The following ULK4 variants were observed in gnomAD, a reference collection of about 807,000 sequenced individuals.
ULK4 encodes inactive serine/threonine-protein kinase ULK4.
Under a neutral mutation model 160.6 loss-of-function variants are expected in ULK4, and 133 were observed. The observed-to-expected ratio is 0.83, with a 90% CI of 0.72 to 0.96. ULK4 has a LOEUF of 0.96. ULK4 is among the 40% of genes least tolerant of loss of function. The pLI is 0.00. For missense variants in ULK4, 1,580 were observed against 1,499.5 expected (o/e 1.05, Z -0.89); for synonymous variants, 534 against 539.8 (o/e 0.99, Z 0.15).
intron 17 of ULK4, among the ~76,000 whole-genome samples, chr3:41,858,243 C>T (rs1007395285): frequency 2.0e-5 from 3 of 148,702 alleles, no homozygotes; most frequent in African/African-American, 7.5e-5. Context: ...CCTCCACCAC[C>T]CAGGTTCAAG....
chr3:41,559,716 T>G (rs938639060), intron 32 of ULK4, among the ~76,000 whole-genome samples: 14 of 152,144 alleles, frequency 9.2e-5, no homozygotes, highest in Non-Finnish European at 2.1e-4. Flanking sequence ...CAGTTTTTGA[T>G]GGAGTTGTTT....
chr3:41,875,822 G>C (rs1186422508), intron 17 of ULK4, among the ~76,000 whole-genome samples: 2 of 151,904 alleles, frequency 1.3e-5, no homozygotes, highest in East Asian at 1.9e-4. Context: ...CAAAGGAAAA[G>C]ATGTACCTTT....
chr3:41,931,423 A>G (rs1699594600), intron 5 of ULK4, among the ~76,000 whole-genome samples: 1 of 151,058 alleles, frequency 6.6e-6, no homozygotes, highest in African/African-American at 2.4e-5. Context: ...TGGCACATAT[A>G]TACCTATGTA....
intron 31 of ULK4, among the ~76,000 whole-genome samples, chr3:41,598,296 GT>G (rs11286378): frequency 0.27 from 40,538 of 152,032 alleles, 5,512 homozygotes; most frequent in Admixed American, 0.3. Context: ...CTAAAATAAT[GT>G]CTAAAAGTAG....
intron 32 of ULK4, among the ~76,000 whole-genome samples, chr3:41,500,189 T>C (rs2085144909): frequency 6.6e-6 from 1 of 151,762 alleles, no homozygotes; most frequent in African/African-American, 2.4e-5. Context: ...TAATTTCTGC[T>C]TTTTTATTAT....
intron 35 of ULK4, among the ~76,000 whole-genome samples, chr3:41,392,939 C>G (rs1474279441): frequency 6.6e-6 from 1 of 152,162 alleles, no homozygotes; most frequent in Non-Finnish European, 1.5e-5. Context: ...AACTTCTGCT[C>G]GTGTTCCTTA....
intron 35 of ULK4, among the ~76,000 whole-genome samples, chr3:41,367,934 A>C (rs980932342): frequency 7.2e-5 from 11 of 152,158 alleles, no homozygotes; most frequent in African/African-American, 2.7e-4. Context: ...AACAACCAAA[A>C]TATTCCAACT....
intron 31 of ULK4, among the ~76,000 whole-genome samples, chr3:41,606,953 T>A (rs1349402827): frequency 1.3e-5 from 2 of 152,164 alleles, no homozygotes; most frequent in African/African-American, 4.8e-5. Context: ...GTGCAGAAGC[T>A]TTTTTAATTT....
chr3:41,839,864 C>A (rs1451314656), intron 17 of ULK4, among the ~76,000 whole-genome samples: 1 of 152,060 alleles, frequency 6.6e-6, no homozygotes, highest in Non-Finnish European at 1.5e-5. Context: ...AGGTAAAAAT[C>A]TAACAAAACA....
rs996903705 is a variant in ULK4 at position 41,855,196 on chromosome 3, G to A, written c.1657-19225C>T. 2.9e-5 allele frequency among the ~76,000 whole-genome samples: 4 copies of A among 137,528 alleles called. No homozygotes were observed. The East Asian group carries it at 5.8e-4, about 20-fold the overall frequency. 90.2% of individuals were successfully genotyped at this position (137,528 alleles called of 152,430 possible). A position where few individuals can be genotyped will look rare whatever the true frequency, so the allele number is the denominator to read the frequency against. On this transcript the variant is annotated intron_variant, in intron 17 of 36. Coordinates refer to ENST00000301831, the MANE Select transcript of ULK4 (RefSeq NM_017886.4). ...GCTCTGCGTCTTCTTACCAATATAG[G>A]GTACCTTGACCACGACTCTTAGCAA... is the stretch of plus-strand genomic sequence containing the variant.
At chr3:41,278,413 C>T (rs944660273) in intron 35 of ULK4, among the ~76,000 whole-genome samples, 6 of 152,326 alleles carry the variant, frequency 3.9e-5, no homozygotes, top group Middle Eastern at 3.4e-3. Context: ...ACTTAAACGT[C>T]CCTGGCTGAC....
chr3:41,885,749 C>T (rs773265390), intron 16 of ULK4, among the ~76,000 whole-genome samples: 5 of 151,770 alleles, frequency 3.3e-5, no homozygotes, highest in African/African-American at 4.8e-5. Context: ...GTGGTGCAAT[C>T]TCCGCTCACT....
At chr3:41,777,681 C>G (rs1384375958) in intron 21 of ULK4, among the ~76,000 whole-genome samples, 1 of 119,544 alleles carries the variant, frequency 8.4e-6, no homozygotes, top group East Asian at 2.1e-4. Context: ...TCGTTATGTA[C>G]CCAGTAGTCA....
chr3:41,536,048 C>T (rs1213827790), intron 32 of ULK4, among the ~76,000 whole-genome samples: 1 of 152,186 alleles, frequency 6.6e-6, no homozygotes, highest in Non-Finnish European at 1.5e-5. Flanking sequence ...AGAGGATTTG[C>T]ACATCTCTTT....
chr3:41,732,546 T>C (rs568356117), intron 22 of ULK4, among the ~76,000 whole-genome samples: 16 of 152,188 alleles, frequency 1.1e-4, no homozygotes, highest in East Asian at 3.9e-4. Context: ...ATGGCCATTA[T>C]GAAAAACAGT....
intron 30 of ULK4, among the ~76,000 whole-genome samples, chr3:41,645,713 T>C (rs1028170182): frequency 7.9e-5 from 12 of 152,172 alleles, no homozygotes; most frequent in Non-Finnish European, 1.8e-4. Context: ...TAGGTCTGCT[T>C]GGTGCAGAGC....
At chr3:41,295,140 C>T (rs1178928106) in intron 35 of ULK4, among the ~76,000 whole-genome samples, 1 of 152,162 alleles carries the variant, frequency 6.6e-6, no homozygotes, top group African/African-American at 2.4e-5. Flanking sequence ...CAGAAACAGA[C>T]CCACATAAAT....
chr3:41,928,574 T>TA (rs1415190370), intron 5 of ULK4, among the ~76,000 whole-genome samples: 2 of 149,322 alleles, frequency 1.3e-5, no homozygotes, highest in Non-Finnish European at 3.0e-5. Context: ...TGTTTTTTTT[T>TA]AAATGATCAA....
chr3:41,633,932 C>T (rs543478779), intron 30 of ULK4, among the ~76,000 whole-genome samples: 52 of 152,248 alleles, frequency 3.4e-4, no homozygotes, highest in African/African-American at 1.1e-3. Context: ...TAGTGCTTTA[C>T]CTCTCACTTG....
Sources: gnomAD v4.1 joint callset for allele counts (sites outside exome capture counted in the v4.1 genomes callset) on GRCh38, gnomAD v4.1.1 for gene constraint, MANE v1.5 for transcripts, NCBI Gene and HGNC (gene_info 2026-07-23, HGNC 2026-07-21) for gene names.